Variants in SDK1 observed in about 807,000 individuals in gnomAD.
SDK1 encodes protein sidekick-1.
In SDK1, 157 loss-of-function variants were observed where a neutral mutation model predicts 245.5. The ratio of observed to expected loss-of-function variants is 0.64; its 90% confidence interval spans 0.56 to 0.73. The LOEUF (loss-of-function observed/expected upper bound fraction) is 0.73, where lower values mean the gene tolerates loss of function less well. SDK1 is among the 30% of genes least tolerant of loss of function. SDK1 has a pLI of 0.00. For synonymous variants in SDK1, 1,647 were observed against 1,278.5 expected (o/e 1.29, Z -6.15); for missense variants, 3,583 against 3,002.3 (o/e 1.19, Z -4.52).
intron 4 of SDK1, among the ~76,000 whole-genome samples, chr7:3,787,108 C>T (rs41896): frequency 0.088 from 13,264 of 150,790 alleles, 1,807 homozygotes; most frequent in African/African-American, 0.3. Context: ...ATTCGTGTCA[C>T]TAAAATTCTT....
chr7:3,513,328 C>T (rs760521106), intron 1 of SDK1, among the ~76,000 whole-genome samples: 7 of 152,114 alleles, frequency 4.6e-5, no homozygotes, highest in Non-Finnish European at 1.0e-4. Flanking sequence ...AAGAGATATG[C>T]TATATAGAGG....
chr7:3,677,257 A>T (rs1325153372), intron 4 of SDK1, among the ~76,000 whole-genome samples: 2 of 150,340 alleles, frequency 1.3e-5, no homozygotes, highest in Admixed American at 6.6e-5. Context: ...TTAACATACG[A>T]TAAGCATCTT....
At chr7:4,176,978 G>A (rs1022671879) in intron 34 of SDK1, among the ~76,000 whole-genome samples, 1 of 152,238 alleles carries the variant, frequency 6.6e-6, no homozygotes, top group Non-Finnish European at 1.5e-5. Context: ...GAGCCATAAT[G>A]TGATCGACTT....
chr7:4,010,516 C>T (rs1249573749), intron 14 of SDK1, among the ~76,000 whole-genome samples: 3 of 152,144 alleles, frequency 2.0e-5, no homozygotes, highest in Non-Finnish European at 4.4e-5. Context: ...GCCCATCTGT[C>T]TTTATCATGC....
intron 14 of SDK1, 146 bp downstream of exon 14, chr7:3,987,468 C>A: frequency 1.2e-6 from 1 of 844,446 alleles, no homozygotes; most frequent in Non-Finnish European, 1.9e-6. Flanking sequence ...CACAGCCTGC[C>A]CTTTAGGAAA....
At chr7:3,531,956 C>T (rs745422845) in intron 1 of SDK1, among the ~76,000 whole-genome samples, 6 of 152,192 alleles carry the variant, frequency 3.9e-5, no homozygotes, top group Non-Finnish European at 8.8e-5. Flanking sequence ...TTTATCTGGT[C>T]ATTTTCCAGA....
chr7:3,609,014 A>G (rs1781507323), intron 1 of SDK1, among the ~76,000 whole-genome samples: 2 of 152,144 alleles, frequency 1.3e-5, no homozygotes, highest in Admixed American at 1.3e-4. Flanking sequence ...ATTAAGCTAG[A>G]CACTGGAAAA....
At chr7:3,760,798 A>G (rs1313360997) in intron 4 of SDK1, among the ~76,000 whole-genome samples, 2 of 152,234 alleles carry the variant, frequency 1.3e-5, no homozygotes, top group African/African-American at 4.8e-5. Flanking sequence ...TTAGGATCAT[A>G]CGGCACGTAG....
At chr7:4,068,560 T>C (rs1780045525) in intron 20 of SDK1, among the ~76,000 whole-genome samples, 1 of 151,868 alleles carries the variant, frequency 6.6e-6, no homozygotes, top group African/African-American at 2.4e-5. Flanking sequence ...GTGAGAGCCC[T>C]GAGGAGACTG....
chr7:4,224,344 C>G (rs570678193), intron 40 of SDK1, among the ~76,000 whole-genome samples: 1 of 152,348 alleles, frequency 6.6e-6, no homozygotes, highest in South Asian at 2.1e-4. Flanking sequence ...TGGCAGAAAG[C>G]CAACAGGGAG....
At chr7:3,744,489 AAAAG>A (rs1779561364) in intron 4 of SDK1, among the ~76,000 whole-genome samples, 1 of 152,178 alleles carries the variant, frequency 6.6e-6, no homozygotes, top group Admixed American at 6.5e-5. Context: ...ATCAATGAAA[AAAAG>A]AAAAGACACA....
chr7:3,304,708 A>C, intron 1 of SDK1, among the ~76,000 whole-genome samples: 1 of 152,162 alleles, frequency 6.6e-6, no homozygotes, highest in East Asian at 1.9e-4. Flanking sequence ...TGATTATAAT[A>C]CACATTGGAA....
chr7:3,821,357 G>C, intron 4 of SDK1, 93 bp from the exon 5 acceptor site: 7 of 1,386,326 alleles, frequency 5.0e-6, no homozygotes, highest in Non-Finnish European at 4.9e-6. Context: ...TAAACTCTAG[G>C]CATTCCTTTA....
At chr7:3,518,431 T>G (rs1190034262) in intron 1 of SDK1, among the ~76,000 whole-genome samples, 3 of 151,700 alleles carry the variant, frequency 2.0e-5, no homozygotes, top group Admixed American at 6.6e-5. Flanking sequence ...TTGCAAACTG[T>G]TCATCTCAAA....
chr7:4,247,129 A>G (rs1786923176), intron 44 of SDK1, among the ~76,000 whole-genome samples: 1 of 152,150 alleles, frequency 6.6e-6, no homozygotes, highest in Admixed American at 6.5e-5. Context: ...GCCTCCTGGC[A>G]CTCAGGTTCT....
intron 17 of SDK1, among the ~76,000 whole-genome samples, chr7:4,036,521 C>T (rs7792988): frequency 0.31 from 47,517 of 151,874 alleles, 11,618 homozygotes; most frequent in African/African-American, 0.69. Flanking sequence ...TTTTTAACAC[C>T]GTAACATAGT....
intron 19 of SDK1, among the ~76,000 whole-genome samples, chr7:4,061,153 A>C (rs1779515487): frequency 6.6e-6 from 1 of 152,032 alleles, no homozygotes; most frequent in Admixed American, 6.6e-5. Flanking sequence ...ATGAACTTTA[A>C]AGTAGTTTTT....
At chr7:3,910,328 G>A (rs981011850) in intron 5 of SDK1, among the ~76,000 whole-genome samples, 1 of 152,148 alleles carries the variant, frequency 6.6e-6, no homozygotes, top group Admixed American at 6.5e-5. Context: ...CTCTTGTCAG[G>A]CACATTCTTC....
intron 1 of SDK1, among the ~76,000 whole-genome samples, chr7:3,453,523 G>T (rs1282081558): frequency 1.3e-5 from 2 of 152,190 alleles, no homozygotes; most frequent in African/African-American, 2.4e-5. Context: ...GACACAGAGG[G>T]AGGGGAAGAA....
Sources: allele counts gnomAD v4.1 joint callset (sites outside exome capture counted in the v4.1 genomes callset), GRCh38; gene constraint gnomAD v4.1.1; transcripts MANE v1.5; gene names NCBI Gene and HGNC (gene_info 2026-07-23, HGNC 2026-07-21).